GPBP1: variants seen among roughly 807,000 people sequenced by gnomAD.
The protein encoded by GPBP1 is GC-rich promoter binding protein 1, also known as vasculin.
GPBP1 carries 13 observed loss-of-function variants against 56.5 expected under a neutral mutation model. The observed-to-expected ratio is 0.23, with a 90% CI of 0.15 to 0.37. The LOEUF is 0.37. Ranked by LOEUF, GPBP1 falls within the 10% of genes least tolerant of loss-of-function variation. The pLI is 1.00. For missense variants in GPBP1, 477 were observed against 572.3 expected, an observed-to-expected ratio of 0.83 and a Z score of 1.70; for synonymous variants, 204 against 188.9, an observed-to-expected ratio of 1.08 and a Z score of -0.66.
chr5:57,193,422 G>C (rs1464098758), intron 2 of GPBP1, among the ~76,000 whole-genome samples: 1 of 151,722 alleles, frequency 6.6e-6, no homozygotes, highest in East Asian at 1.9e-4. Flanking sequence ...AGACCAGCTT[G>C]GGCAACATGA....
chr5:57,251,227 T>C, intron 10 of GPBP1, 86 bp downstream of exon 10: 2 of 1,186,860 alleles, frequency 1.7e-6, no homozygotes, highest in Non-Finnish European at 2.4e-6. Context: ...TTAACAGGTT[T>C]ATTGGAATAC....
intron 11 of GPBP1, 150 bp from the exon 12 acceptor site, chr5:57,262,444 C>A: frequency 1.6e-6 from 1 of 631,252 alleles, no homozygotes; most frequent in South Asian, 2.0e-5. Flanking sequence ...CTCACATCTA[C>A]TTTGTCTGGA....
intron 2 of GPBP1, among the ~76,000 whole-genome samples, chr5:57,182,512 A>G (rs530541739): frequency 1.3e-5 from 2 of 151,590 alleles, no homozygotes; most frequent in South Asian, 4.2e-4. Context: ...AGCTGGGATT[A>G]TAGGCGCCTG....
intron 3 of GPBP1, among the ~76,000 whole-genome samples, chr5:57,226,150 G>A (rs866550963): frequency 5.3e-5 from 8 of 152,178 alleles, no homozygotes; most frequent in South Asian, 2.1e-4. Flanking sequence ...ACAATGAGGG[G>A]TAACTTTTGG....
chr5:57,214,770 C>G (rs1393444366), intron 3 of GPBP1, among the ~76,000 whole-genome samples: 1 of 151,970 alleles, frequency 6.6e-6, no homozygotes, highest in African/African-American at 2.4e-5. Flanking sequence ...ATTCTTCTGC[C>G]TCATTCTCCT....
At chr5:57,207,423 C>G (rs574851127) in intron 2 of GPBP1, among the ~76,000 whole-genome samples, 2 of 152,130 alleles carry the variant, frequency 1.3e-5, no homozygotes, top group South Asian at 4.1e-4. Flanking sequence ...TGGCACCCCA[C>G]TGCTCAAATC....
chr5:57,231,742 T>C (rs980235103), intron 5 of GPBP1, among the ~76,000 whole-genome samples: 1 of 152,240 alleles, frequency 6.6e-6, no homozygotes, highest in African/African-American at 2.4e-5. Flanking sequence ...TCAATTCTTA[T>C]TCAGTATATA....
chr5:57,206,023 C>G (rs1472629077), intron 2 of GPBP1, among the ~76,000 whole-genome samples: 1 of 152,166 alleles, frequency 6.6e-6, no homozygotes, highest in East Asian at 1.9e-4. Flanking sequence ...GCCTTGGCCT[C>G]CTAGAGTGCT....
chr5:57,194,264 A>G (rs1427225414), intron 2 of GPBP1, among the ~76,000 whole-genome samples: 1 of 152,152 alleles, frequency 6.6e-6, no homozygotes, highest in Non-Finnish European at 1.5e-5. Flanking sequence ...CTGTAAGTGA[A>G]TTTCTGAGTG....
chr5:57,219,411 C>CA (rs1561348407), intron 3 of GPBP1, among the ~76,000 whole-genome samples: 4 of 75,878 alleles, frequency 5.3e-5, no homozygotes, highest in African/African-American at 2.1e-4. Flanking sequence ...AAACCAAAAA[C>CA]AAACAAACAA....
intron 8 of GPBP1, among the ~76,000 whole-genome samples, chr5:57,247,527 T>TA (rs569721544): frequency 6.0e-5 from 9 of 150,984 alleles, no homozygotes; most frequent in South Asian, 2.1e-4. Flanking sequence ...TGTCTCTACT[T>TA]AAAAAAAAAT....
At chr5:57,177,886 T>C (rs1370024669) in intron 2 of GPBP1, among the ~76,000 whole-genome samples, 3 of 152,068 alleles carry the variant, frequency 2.0e-5, no homozygotes, top group Non-Finnish European at 4.4e-5. Context: ...TTTTTTTTGC[T>C]TAAACTGTTG....
chr5:57,242,951 A>C (rs1301798008), intron 6 of GPBP1, among the ~76,000 whole-genome samples: 1 of 151,646 alleles, frequency 6.6e-6, no homozygotes, highest in Non-Finnish European at 1.5e-5. Context: ...GGGTTTCACC[A>C]TGTTGGCCAG....
intron 2 of GPBP1, among the ~76,000 whole-genome samples, chr5:57,204,511 CA>C (rs1755149473): frequency 6.6e-6 from 1 of 152,174 alleles, no homozygotes; most frequent in Admixed American, 6.5e-5. Context: ...CTGGGCCTCC[CA>C]AAGTGCTGGG....
chr5:57,223,291 TGTTAGCCAGGATG>T (rs1486529369), intron 3 of GPBP1, among the ~76,000 whole-genome samples: 2 of 152,118 alleles, frequency 1.3e-5, no homozygotes, highest in African/African-American at 4.8e-5. Flanking sequence ...GGTTTCACTG[TGTTAGCCAGGATG>T]GTCTTGATCT....
Position 57,261,296 on chromosome 5 carries a change from A to C in GPBP1, c.1263+14A>C, listed in dbSNP as rs986341444. 7.0e-7 allele frequency: 1 copy of C among 1,428,794 alleles called. No individual in the cohort carries two copies. Among genetic ancestry groups the C allele is most frequent in the African/African-American group, 1.4e-5 (1 of 71,264 alleles). The allele number at this position is 1,428,794 out of a possible 1,614,324, so 88.5% of individuals were successfully genotyped here. On this transcript the variant is annotated intron_variant, in intron 11 of 11. Coordinates refer to ENST00000506184, the MANE Select transcript of GPBP1 (RefSeq NM_022913.4). ...ATTAGTGAACAGGTAAGAAAACCTG[A>C]ATCATACAACTTCACTTTTAAACTG...
At chr5:57,245,726 C>T (rs1741058075) in intron 6 of GPBP1, 1 of 152,136 alleles carries the variant, frequency 6.6e-6, no homozygotes, top group Non-Finnish European at 1.5e-5. Flanking sequence ...GTTGGTTGGT[C>T]TGCATTCATA....
At chr5:57,196,920 T>TA (rs1754790019) in intron 2 of GPBP1, among the ~76,000 whole-genome samples, 1 of 152,158 alleles carries the variant, frequency 6.6e-6, no homozygotes, top group South Asian at 2.1e-4. Context: ...TAGCCGGGAT[T>TA]ACAGGAGTAC....
chr5:57,222,677 C>G (rs1040975772), intron 3 of GPBP1, among the ~76,000 whole-genome samples: 9 of 151,988 alleles, frequency 5.9e-5, no homozygotes, highest in East Asian at 1.9e-4. Context: ...GTAGAAATAC[C>G]TGGGCATTTC....
Sources: allele counts gnomAD v4.1 joint callset (sites outside exome capture counted in the v4.1 genomes callset), GRCh38; gene constraint gnomAD v4.1.1; transcripts MANE v1.5; gene names NCBI Gene and HGNC (gene_info 2026-07-23, HGNC 2026-07-21).